SDK1: variants seen among roughly 807,000 people sequenced by gnomAD.
The protein encoded by SDK1 is protein sidekick-1.
SDK1 carries 157 observed loss-of-function variants against 245.5 expected under a neutral mutation model. The ratio of observed to expected loss-of-function variants is 0.64; its 90% confidence interval spans 0.56 to 0.73. The LOEUF is 0.73. Ranked by LOEUF, SDK1 falls within the 30% of genes least tolerant of loss-of-function variation. SDK1 has a pLI of 0.00. For missense variants in SDK1, 3,583 were observed against 3,002.3 expected, an observed-to-expected ratio of 1.19 and a Z score of -4.52; for synonymous variants, 1,647 against 1,278.5, an observed-to-expected ratio of 1.29 and a Z score of -6.15.
At chr7:4,154,404 A>G (rs773363259) in intron 30 of SDK1, among the ~76,000 whole-genome samples, 3 of 152,196 alleles carry the variant, frequency 2.0e-5, no homozygotes, top group Non-Finnish European at 2.9e-5. Flanking sequence ...GGCAGATGTT[A>G]TCTCAAAAAT....
intron 4 of SDK1, among the ~76,000 whole-genome samples, chr7:3,693,833 G>C (rs7788634): frequency 0.26 from 39,335 of 151,838 alleles, 8,205 homozygotes; most frequent in African/African-American, 0.57. Context: ...GTATACTGAA[G>C]CTGCAGTGAA....
At chr7:3,804,196 T>C (rs910765084) in intron 4 of SDK1, among the ~76,000 whole-genome samples, 11 of 152,352 alleles carry the variant, frequency 7.2e-5, no homozygotes, top group Middle Eastern at 3.4e-3. Context: ...TTCTCTGATA[T>C]CTTCTCCTAA....
Position 4,077,145 on chromosome 7 carries a change from C to T in SDK1, c.3158C>T (p.Thr1053Ile). Reference sequence around the variant, plus strand: ...GTGGCCGCTGTGACTGCCGTGGGCACTGGCCTGGTGACTTCATCCACCATT... The same window carrying T: ...GTGGCCGCTGTGACTGCCGTGGGCATTGGCCTGGTGACTTCATCCACCATT... Reference protein sequence around the residue: ...IDVAAVTAVGTGLVTSSTISS... With the variant: ...IDVAAVTAVGIGLVTSSTISS... Residue 1053 changes from threonine (T) to isoleucine (I), a missense_variant, in exon 21 of 45, where the codon ACT becomes ATT. Thr to Ile is a moderately conservative substitution (Grantham distance 89, BLOSUM62 -1). Coordinates refer to ENST00000404826, the MANE Select transcript of SDK1 (RefSeq NM_152744.4). 2 of 1,614,252 alleles carry T rather than the reference C, an allele frequency of 1.2e-6. No individual in the cohort carries two copies. The highest frequency in any genetic ancestry group is 1.7e-6 in the Non-Finnish European group (2 of 1,180,042).
chr7:3,363,439 A>G (rs6966730), intron 1 of SDK1, among the ~76,000 whole-genome samples: 37,155 of 151,838 alleles, frequency 0.24, 4,868 homozygotes, highest in East Asian at 0.39. Context: ...TTGTCTATAG[A>G]TTTTATTGTG....
At chr7:3,530,948 G>A (rs182803720) in intron 1 of SDK1, among the ~76,000 whole-genome samples, 2 of 152,286 alleles carry the variant, frequency 1.3e-5, no homozygotes, top group East Asian at 1.9e-4. Flanking sequence ...AGTCTTTATC[G>A]TATAGTTGAT....
rs760558273 is a variant in SDK1 at position 4,208,121 on chromosome 7, G to A, written c.5237G>A (p.Ser1746Asn). 1 of 1,613,752 alleles carries A rather than the reference G, an allele frequency of 6.2e-7. No individual in the cohort carries two copies. The highest frequency in any genetic ancestry group is 1.7e-5 in the Admixed American group (1 of 59,952). The stretch of plus-strand genomic sequence containing the variant: ...CAGATTTACTACTGGGAGGCAGACA[G>A]CCAGAACGAAACGGAGAAAATGAAG... ...GYKIYYWEADSQNETEKMKVL... is the reference protein window; with the variant it reads ...GYKIYYWEADNQNETEKMKVL... The change falls in exon 37 of 45, where the codon AGC (serine) becomes AAC (asparagine). Residue 1746 changes from serine (S) to asparagine (N), a missense_variant. Coordinates refer to ENST00000404826, the MANE Select transcript of SDK1 (RefSeq NM_152744.4).
chr7:3,777,493 G>T (rs943893368), intron 4 of SDK1, among the ~76,000 whole-genome samples: 1 of 152,186 alleles, frequency 6.6e-6, no homozygotes, highest in African/African-American at 2.4e-5. Context: ...CCAACCTGTG[G>T]CTGAGCTGGA....
At chr7:4,068,748 G>A (rs1171064246) in intron 20 of SDK1, among the ~76,000 whole-genome samples, 1 of 134,458 alleles carries the variant, frequency 7.4e-6, no homozygotes, top group Non-Finnish European at 1.5e-5. Context: ...ATGAGACAGG[G>A]TCTTGCTCTC....
chr7:3,749,776 A>T (rs1779725155), intron 4 of SDK1, among the ~76,000 whole-genome samples: 1 of 152,196 alleles, frequency 6.6e-6, no homozygotes, highest in Non-Finnish European at 1.5e-5. Flanking sequence ...GGTCTCCTGT[A>T]TTCTAATGGT....
chr7:4,226,477 AC>A (rs950595833), intron 40 of SDK1, among the ~76,000 whole-genome samples: 3 of 151,334 alleles, frequency 2.0e-5, no homozygotes, highest in Non-Finnish European at 4.4e-5. Context: ...CCTTCCTTAC[AC>A]CCCCCGCACA....
chr7:4,175,947 G>A (rs1782183313), intron 34 of SDK1, 113 bp downstream of exon 34: 1 of 871,320 alleles, frequency 1.1e-6, no homozygotes, highest in South Asian at 1.4e-5. Flanking sequence ...CTCCAGTTCT[G>A]GAATCGCCTC....
At chr7:3,675,876 G>A (rs890278968) in intron 4 of SDK1, among the ~76,000 whole-genome samples, 1 of 152,058 alleles carries the variant, frequency 6.6e-6, no homozygotes, top group South Asian at 2.1e-4. Flanking sequence ...TTTTAATTGG[G>A]TTGTTTTTTG....
At chr7:3,968,451 G>T (rs76749567) in intron 10 of SDK1, among the ~76,000 whole-genome samples, 5,099 of 152,278 alleles carry the variant, frequency 0.033, 303 homozygotes, top group African/African-American at 0.12. Context: ...CCACCTGGCA[G>T]CTTCTCGACT....
chr7:3,482,026 T>C (rs1331869358), intron 1 of SDK1, among the ~76,000 whole-genome samples: 1 of 151,724 alleles, frequency 6.6e-6, no homozygotes, highest in Admixed American at 6.6e-5. Flanking sequence ...TCAAAACATA[T>C]AAAAATGTCA....
intron 40 of SDK1, among the ~76,000 whole-genome samples, chr7:4,222,594 C>T (rs1238453744): frequency 6.6e-6 from 1 of 152,198 alleles, no homozygotes; most frequent in East Asian, 1.9e-4. Context: ...GGTGCCCAGC[C>T]GCCTTCTAGA....
chr7:3,986,247 A>G (rs1339854676), intron 13 of SDK1, among the ~76,000 whole-genome samples: 1 of 151,904 alleles, frequency 6.6e-6, no homozygotes, highest in East Asian at 1.9e-4. Flanking sequence ...ATTCGCTTTA[A>G]TTGCATTTCC....
intron 22 of SDK1, among the ~76,000 whole-genome samples, chr7:4,087,532 A>AAGAT (rs1781504888): frequency 6.6e-6 from 1 of 151,364 alleles, no homozygotes; most frequent in African/African-American, 2.4e-5. Flanking sequence ...TTTCCCGGCC[A>AAGAT]CTCTTGTGGA....
At chr7:3,617,111 A>G (rs1419643244) in intron 1 of SDK1, among the ~76,000 whole-genome samples, 3 of 152,218 alleles carry the variant, frequency 2.0e-5, no homozygotes, top group Non-Finnish European at 2.9e-5. Flanking sequence ...GATGACATCT[A>G]TGTTATAGGG....
At chr7:3,713,027 C>G (rs1172627679) in intron 4 of SDK1, among the ~76,000 whole-genome samples, 5 of 152,194 alleles carry the variant, frequency 3.3e-5, no homozygotes, top group Non-Finnish European at 1.5e-5. Context: ...GGATGGGCAC[C>G]AAGGCGTGCC....
Sources: gnomAD v4.1 joint callset for allele counts (sites outside exome capture counted in the v4.1 genomes callset) on GRCh38, gnomAD v4.1.1 for gene constraint, MANE v1.5 for transcripts, NCBI Gene and HGNC (gene_info 2026-07-23, HGNC 2026-07-21) for gene names.